The following TMEM26 variants were observed in gnomAD, a reference collection of about 807,000 sequenced individuals.
TMEM26 encodes the protein transmembrane protein 26.
Under a neutral mutation model 28.8 loss-of-function variants are expected in TMEM26, and 38 were observed. The observed-to-expected ratio is 1.32, with a 90% CI of 1.02 to 1.73. TMEM26 has a LOEUF of 1.73. TMEM26 is among the 40% of genes most tolerant of loss of function. The pLI, the probability that TMEM26 is intolerant of heterozygous loss-of-function variation, is 0.00. For synonymous variants in TMEM26, 227 were observed against 182.9 expected, an observed-to-expected ratio of 1.24 and a Z score of -1.95; for missense variants, 518 against 447.1, an observed-to-expected ratio of 1.16 and a Z score of -1.43.
chr10:61,430,902 C>T (rs896194099), intron 3 of TMEM26, among the ~76,000 whole-genome samples: 1 of 151,824 alleles, frequency 6.6e-6, no homozygotes. Flanking sequence ...ATTATCATAT[C>T]CCAATTTTTT....
At chr10:61,416,842 G>A (rs1405081599) in intron 4 of TMEM26, among the ~76,000 whole-genome samples, 1 of 151,806 alleles carries the variant, frequency 6.6e-6, no homozygotes, top group Non-Finnish European at 1.5e-5. Flanking sequence ...TACAGAATAG[G>A]GATAAATGAT....
chr10:61,435,535 C>T (rs1839990095), intron 2 of TMEM26, among the ~76,000 whole-genome samples: 1 of 152,162 alleles, frequency 6.6e-6, no homozygotes, highest in Admixed American at 6.5e-5. Flanking sequence ...ATAAGCTCAC[C>T]TTCCACATGG....
At chr10:61,422,088 G>A (rs1477107643) in intron 4 of TMEM26, among the ~76,000 whole-genome samples, 1 of 152,048 alleles carries the variant, frequency 6.6e-6, no homozygotes, top group Non-Finnish European at 1.5e-5. Context: ...ATGATAAAAT[G>A]TTACTACATT....
At chr10:61,412,498 G>C (rs1050930425) in intron 5 of TMEM26, among the ~76,000 whole-genome samples, 2 of 152,052 alleles carry the variant, frequency 1.3e-5, no homozygotes, top group Non-Finnish European at 1.5e-5. Flanking sequence ...TGGCAATTAA[G>C]GTGTAATAAA....
At chr10:61,414,362 G>C (rs1839616943) in intron 4 of TMEM26, 1 of 152,086 alleles carries the variant, frequency 6.6e-6, no homozygotes, top group African/African-American at 2.4e-5. Flanking sequence ...AATAGATTTT[G>C]TTTCCATCTT....
intron 2 of TMEM26, among the ~76,000 whole-genome samples, chr10:61,431,845 T>C (rs1042816886): frequency 5.3e-5 from 8 of 152,024 alleles, no homozygotes; most frequent in African/African-American, 1.9e-4. Context: ...GTGAGCATAG[T>C]ACCTGATAAG....
chr10:61,436,299 C>CAA (rs200827225), intron 1 of TMEM26, 51 bp from the exon 2 acceptor site: 139 of 934,326 alleles, frequency 1.5e-4, no homozygotes, highest in South Asian at 3.4e-4. Flanking sequence ...GCTAATTTTC[C>CAA]AAAAAAAAAA....
chr10:61,435,041 T>C (rs72825289), intron 2 of TMEM26, among the ~76,000 whole-genome samples: 30,996 of 152,148 alleles, frequency 0.2, 3,425 homozygotes, highest in Middle Eastern at 0.31. Flanking sequence ...AGATGGACTT[T>C]AGAAACTTGG....
chr10:61,412,666 T>C (rs995042881), intron 5 of TMEM26, among the ~76,000 whole-genome samples: 1 of 152,200 alleles, frequency 6.6e-6, no homozygotes, highest in Non-Finnish European at 1.5e-5. Flanking sequence ...TCTGTGATGA[T>C]AAAAGTGTTC....
At chr10:61,416,026 A>G (rs910175886) in intron 4 of TMEM26, 2 of 437,780 alleles carry the variant, frequency 4.6e-6, no homozygotes, top group African/African-American at 4.1e-5. Context: ...TTTCATCACA[A>G]TAGAGGAAAG....
intron 2 of TMEM26, among the ~76,000 whole-genome samples, chr10:61,435,097 A>C (rs1380855292): frequency 6.6e-6 from 1 of 152,202 alleles, no homozygotes; most frequent in Non-Finnish European, 1.5e-5. Flanking sequence ...ATATGACTGC[A>C]CTCAACCTAG....
At position 61,410,327 on chromosome 10, in the gene TMEM26, G is replaced by C. The variant is rs1443684091; in HGVS notation, c.1102C>G (p.Pro368Ala). ...AGACCACTGTCAATCAATAACTAAGGGGTGTGGTGGGAGTCGTCGGAGGTG... is the reference window on the plus strand; with the variant it reads ...AGACCACTGTCAATCAATAACTAAGCGGTGTGGTGGGAGTCGTCGGAGGTG... Reference protein sequence around the residue: ...PVTSDDSHHTP With the variant: ...PVTSDDSHHTA The change falls in exon 6 of 6, where the codon CCT becomes GCT. Residue 368 changes from proline (P) to alanine (A), a missense_variant. Physicochemically the swap from Pro to Ala is conservative, Grantham distance 27. Transcript: ENST00000399298. The C allele has an allele frequency of 1.9e-6, 3 of 1,608,656 alleles. No individual in the cohort carries two copies. The highest frequency in any genetic ancestry group is 2.2e-5 in the East Asian group (1 of 44,758).
At chr10:61,442,138 AG>A (rs1840105469) in intron 1 of TMEM26, among the ~76,000 whole-genome samples, 1 of 152,168 alleles carries the variant, frequency 6.6e-6, no homozygotes, top group Non-Finnish European at 1.5e-5. Flanking sequence ...TGCTTTTGTC[AG>A]TTCATTTCAT....
chr10:61,427,761 A>G (rs1294934497), intron 4 of TMEM26, among the ~76,000 whole-genome samples: 1 of 152,108 alleles, frequency 6.6e-6, no homozygotes, highest in African/African-American at 2.4e-5. Context: ...GGTGGAGTTA[A>G]TTATCTTTCT....
At chr10:61,426,282 C>G (rs768854656) in intron 4 of TMEM26, among the ~76,000 whole-genome samples, 16 of 152,008 alleles carry the variant, frequency 1.1e-4, no homozygotes, top group Admixed American at 2.0e-4. Context: ...TGAAGACTGA[C>G]TGCAAACTGC....
chr10:61,442,296 T>A (rs575829168), intron 1 of TMEM26, among the ~76,000 whole-genome samples: 1 of 152,154 alleles, frequency 6.6e-6, no homozygotes, highest in Non-Finnish European at 1.5e-5. Flanking sequence ...AGAATTAGGA[T>A]TCCATTTTTC....
rs1450965005 is a variant in TMEM26 at position 61,409,300 on chromosome 10, C to G, written c.*1022G>C. ...GCACATTCCGACTCCCGTCACTCAA[C>G]AAGGGCTGTTGGCCATGGGTGGAGC... On this transcript the variant is annotated 3_prime_UTR_variant, in exon 6 of 6. Coordinates refer to ENST00000399298, the MANE Select transcript of TMEM26 (RefSeq NM_178505.8). The G allele has an allele frequency of 6.6e-6, 1 of 152,216 alleles. No individual in the cohort carries two copies. Among genetic ancestry groups the G allele is most frequent in the African/African-American group, 2.4e-5 (1 of 41,452 alleles). The allele number at this position is 152,216 out of a possible 1,614,324, so 9.4% of individuals were successfully genotyped here.
intron 4 of TMEM26, chr10:61,414,173 AC>A: frequency 1.8e-6 from 1 of 545,624 alleles, no homozygotes; most frequent in Non-Finnish European, 2.3e-6. Flanking sequence ...GGTTAAAAGC[AC>A]CAAAGAAGGG....
At chr10:61,444,236 C>A (rs1269084168) in intron 1 of TMEM26, among the ~76,000 whole-genome samples, 1 of 152,110 alleles carries the variant, frequency 6.6e-6, no homozygotes, top group Non-Finnish European at 1.5e-5. Context: ...TACATATTTT[C>A]TATTTTTTAT....
Sources: gnomAD v4.1 joint callset for allele counts (sites outside exome capture counted in the v4.1 genomes callset) on GRCh38, gnomAD v4.1.1 for gene constraint, MANE v1.5 for transcripts, NCBI Gene and HGNC (gene_info 2026-07-23, HGNC 2026-07-21) for gene names.